MB: variants seen among roughly 807,000 people sequenced by gnomAD.
The protein encoded by MB is myoglobin.
MB carries 10 observed loss-of-function variants against 14.5 expected under a neutral mutation model. The observed-to-expected ratio is 0.69, with a 90% confidence interval of 0.43 to 1.17. The LOEUF is 1.17. Among genes scored for constraint, MB ranks in the 50% most tolerant of loss-of-function variants. MB has a pLI of 0.00. For synonymous variants in MB, 89 were observed against 78.6 expected, an observed-to-expected ratio of 1.13 and a Z score of -0.70; for missense variants, 169 against 192.7, an observed-to-expected ratio of 0.88 and a Z score of 0.73.
upstream of MB, chr22:35,617,687 C>T (rs1164013185): frequency 5.8e-6 from 1 of 172,628 alleles, no homozygotes; most frequent in Non-Finnish European, 1.2e-5. Flanking sequence ...GAGGACCTGT[C>T]ATGTTTCTAA....
chr22:35,609,795 T>C (rs984166945), intron 2 of MB, among the ~76,000 whole-genome samples: 1 of 152,212 alleles, frequency 6.6e-6, no homozygotes, highest in African/African-American at 2.4e-5. Context: ...GGAGGGGTGA[T>C]AGACTACCTT....
chr22:35,612,674 C>T (rs1922729734), intron 1 of MB, among the ~76,000 whole-genome samples: 1 of 152,170 alleles, frequency 6.6e-6, no homozygotes, highest in Non-Finnish European at 1.5e-5. Flanking sequence ...AACAGAGGCA[C>T]CGAAAGACTA....
At chr22:35,621,588 A>T (rs529283915), upstream of MB, among the ~76,000 whole-genome samples, 3 of 152,174 alleles carry the variant, frequency 2.0e-5, no homozygotes, top group African/African-American at 7.2e-5. Flanking sequence ...CCTACAGATC[A>T]TCATCTGGCA....
chr22:35,611,434 G>A (rs938541447), intron 1 of MB, among the ~76,000 whole-genome samples: 3 of 152,184 alleles, frequency 2.0e-5, no homozygotes, highest in East Asian at 1.9e-4. Flanking sequence ...GCTGTCCAGA[G>A]AAGCCAGGCT....
Position 35,607,341 on chromosome 22 carries a change from T to C in MB, c.421A>G (p.Lys141Glu). The C allele has an allele frequency of 6.2e-7, 1 of 1,614,088 alleles. No individual in the cohort carries two copies. Among genetic ancestry groups the C allele is most frequent in the Non-Finnish European group, 8.5e-7 (1 of 1,179,938 alleles). ...TCCTTGTAGTTGGAGGCCATGTCCT[T>C]CCGGAACAGCTCCAGGGCCTTGTTC... is the stretch of plus-strand genomic sequence containing the variant. ...AMNKALELFR[K>E]DMASNYKELG... The change falls in exon 3 of 3, where the codon AAG (lysine) becomes GAG (glutamate). Residue 141 changes from lysine to glutamate, a missense_variant. By Grantham distance (56) the Lys-to-Glu change is moderately conservative. Transcript: ENST00000397326.
intron 1 of MB, among the ~76,000 whole-genome samples, chr22:35,622,889 C>T (rs576879719): frequency 6.6e-6 from 1 of 152,250 alleles, no homozygotes; most frequent in Non-Finnish European, 1.5e-5. Flanking sequence ...CCTGCCAGGA[C>T]TCCTCCCACC....
chr22:35,611,502 C>T (rs1922627668), intron 1 of MB, among the ~76,000 whole-genome samples: 1 of 152,222 alleles, frequency 6.6e-6, no homozygotes, highest in Non-Finnish European at 1.5e-5. Context: ...ACCATCTCTG[C>T]AGCTTCCTGC....
At chr22:35,610,814 G>C (rs531932380) in intron 2 of MB, 70 bp downstream of exon 2, 1 of 1,266,514 alleles carries the variant, frequency 7.9e-7, no homozygotes, top group African/African-American at 1.5e-5. Context: ...GCTTGGACTC[G>C]AACCCAGATC....
upstream of MB, among the ~76,000 whole-genome samples, chr22:35,620,434 A>G (rs1178543359): frequency 6.6e-6 from 1 of 152,180 alleles, no homozygotes; most frequent in South Asian, 2.1e-4. Context: ...TTGAAAGCCC[A>G]TTACTGAGGC....
At chr22:35,611,817 T>C (rs914148036) in intron 1 of MB, among the ~76,000 whole-genome samples, 1 of 150,854 alleles carries the variant, frequency 6.6e-6, no homozygotes, top group Non-Finnish European at 1.5e-5. Flanking sequence ...CGGTCCTTCC[T>C]GCCCACCTCC....
chr22:35,607,127 G>T lies in MB; in HGVS notation c.*170C>A. 1 of 657,092 alleles carries T rather than the reference G, an allele frequency of 1.5e-6. No homozygotes were observed. The highest frequency in any genetic ancestry group is 2.5e-6 in the Non-Finnish European group (1 of 402,344). The allele number at this position is 657,092 out of a possible 1,614,324, so 40.7% of individuals were successfully genotyped here. A position where few individuals can be genotyped will look rare whatever the true frequency, so the allele number is the denominator to read the frequency against. Reference sequence around the variant, plus strand: ...ATCCCACAGGGAGGCGCATCGCTGGGCATGCAAAGCCAACTTCAACACCCC... The same window carrying T: ...ATCCCACAGGGAGGCGCATCGCTGGTCATGCAAAGCCAACTTCAACACCCC... On this transcript the variant is annotated 3_prime_UTR_variant, in exon 3 of 3. Coordinates refer to ENST00000397326, the MANE Select transcript of MB (RefSeq NM_005368.3).
intron 1 of MB, among the ~76,000 whole-genome samples, chr22:35,614,990 G>A (rs1171846838): frequency 6.6e-6 from 1 of 152,190 alleles, no homozygotes; most frequent in Non-Finnish European, 1.5e-5. Flanking sequence ...AGCCCACTCA[G>A]CAGCCCCCTC....
At chr22:35,620,384 TC>T (rs1203894266), upstream of MB, among the ~76,000 whole-genome samples, 1 of 152,174 alleles carries the variant, frequency 6.6e-6, no homozygotes, top group Non-Finnish European at 1.5e-5. Context: ...ATTCATTCAG[TC>T]AGTCAGTCAT....
At chr22:35,622,079 C>T (rs1923502563), upstream of MB, 1 of 152,222 alleles carries the variant, frequency 6.6e-6, no homozygotes, top group Non-Finnish European at 1.5e-5. Flanking sequence ...GCTGACAATT[C>T]CCTTTGGTAA....
chr22:35,614,661 C>T (rs1922923844), intron 1 of MB, among the ~76,000 whole-genome samples: 1 of 152,148 alleles, frequency 6.6e-6, no homozygotes, highest in African/African-American at 2.4e-5. Flanking sequence ...GTGAGTGAAA[C>T]ACTTAAACAG....
chr22:35,618,359 A>C (rs563899085), upstream of MB, among the ~76,000 whole-genome samples: 14 of 152,332 alleles, frequency 9.2e-5, no homozygotes, highest in South Asian at 2.9e-3. Context: ...GAACTGAATA[A>C]ATGTTTATTG....
chr22:35,609,135 T>C (rs994252373), intron 2 of MB, among the ~76,000 whole-genome samples: 1 of 152,202 alleles, frequency 6.6e-6, no homozygotes, highest in African/African-American at 2.4e-5. Flanking sequence ...AACTCAGTCA[T>C]TGGAAGTGTA....
Position 35,610,989 on chromosome 22 carries a change from G to A in MB, c.213C>T (p.Thr71=), listed in dbSNP as rs375154885. 1.6e-5 allele frequency: 26 copies of A among 1,613,898 alleles called. No homozygotes were observed. The highest frequency in any genetic ancestry group is 2.1e-5 in the Non-Finnish European group (25 of 1,179,904). ...DLKKHGATVL[T]ALGGILKKKG... is the part of the protein sequence containing the mutation. The stretch of plus-strand genomic sequence containing the variant: ...TCTTCTTAAGGATGCCACCCAGGGC[G>A]GTGAGCACGGTGGCACCATGCTTCT... Residue 71 remains threonine (T), a synonymous_variant, in exon 2 of 3, where the codon ACC becomes ACT. Transcript: ENST00000397326.
Position 35,607,280 on chromosome 22 carries a change from G to T in MB, c.*17C>A, listed in dbSNP as rs555325353. 2 of 1,606,252 alleles carry T rather than the reference G, an allele frequency of 1.2e-6. No individual in the cohort carries two copies. Among genetic ancestry groups the T allele is most frequent in the East Asian group, 2.2e-5 (1 of 44,622 alleles). ...GAACCCGGGGCCCAGATGGGTGGGGGTGGGAGCGGCAGGGGCCTAGCCCTG... is the reference window on the plus strand; with the variant it reads ...GAACCCGGGGCCCAGATGGGTGGGGTTGGGAGCGGCAGGGGCCTAGCCCTG... On this transcript the variant is annotated 3_prime_UTR_variant, in exon 3 of 3. Transcript: ENST00000397326.
Sources: gnomAD v4.1 joint callset for allele counts (sites outside exome capture counted in the v4.1 genomes callset) on GRCh38, gnomAD v4.1.1 for gene constraint, MANE v1.5 for transcripts, NCBI Gene and HGNC (gene_info 2026-07-23, HGNC 2026-07-21) for gene names.